TACR3: variants seen among roughly 807,000 people sequenced by gnomAD.
The protein encoded by TACR3 is neuromedin-K receptor.
A neutral mutation model predicts 35.0 loss-of-function variants in TACR3; 34 were observed. The ratio of observed to expected loss-of-function variants is 0.97; its 90% CI spans 0.74 to 1.30. The LOEUF is 1.30. Ranked by LOEUF, TACR3 falls within the 50% of genes most tolerant of loss-of-function variation. The pLI, the probability that TACR3 is intolerant of heterozygous loss-of-function variation, is 0.00. For missense variants in TACR3, 558 were observed against 591.7 expected, an observed-to-expected ratio of 0.94 and a Z score of 0.59; for synonymous variants, 233 against 221.1, an observed-to-expected ratio of 1.05 and a Z score of -0.48.
intron 3 of TACR3, among the ~76,000 whole-genome samples, chr4:103,641,517 TG>T (rs1266363328): frequency 1.3e-5 from 2 of 151,938 alleles, no homozygotes; most frequent in African/African-American, 4.8e-5. Context: ...CCTTGTACAC[TG>T]TTGTTGGGAA....
intron 3 of TACR3, among the ~76,000 whole-genome samples, chr4:103,633,928 A>G (rs1018580534): frequency 6.6e-6 from 1 of 152,138 alleles, no homozygotes; most frequent in Non-Finnish European, 1.5e-5. Flanking sequence ...AAGAAAGTAC[A>G]TAAATATGAG....
chr4:103,620,086 A>C (rs1027248976), intron 3 of TACR3, among the ~76,000 whole-genome samples: 12 of 152,192 alleles, frequency 7.9e-5, no homozygotes, highest in African/African-American at 2.7e-4. Flanking sequence ...ATGGGCAAAG[A>C]ACATGAACAG....
intron 1 of TACR3, among the ~76,000 whole-genome samples, chr4:103,670,174 CT>C (rs1180289108): frequency 6.6e-6 from 1 of 152,048 alleles, no homozygotes; most frequent in Admixed American, 6.6e-5. Flanking sequence ...GTTCTCTATT[CT>C]GTTCCATTCG....
intron 3 of TACR3, among the ~76,000 whole-genome samples, chr4:103,629,012 C>T (rs906549968): frequency 1.4e-4 from 21 of 152,128 alleles, no homozygotes; most frequent in Non-Finnish European, 2.4e-4. Flanking sequence ...TGTAATCCAT[C>T]GTATACACAG....
Position 103,624,965 on chromosome 4 carries a change from G to A in TACR3, c.888+31229C>T, listed in dbSNP as rs3796973. Among the ~76,000 whole-genome samples the A allele has an allele frequency of 5.3e-4, 81 of 152,116 alleles. No individual in the cohort carries two copies. The East Asian group carries it at 0.014, about 26-fold the overall frequency. On this transcript the variant is annotated intron_variant, in intron 3 of 4. Transcript: ENST00000304883. ...TTCTGGATCAGAGAAATGGATCAAG[G>A]GGGAGCAGCAAGACAGGGAAAGGTA...
At chr4:103,650,677 T>TATTA (rs374909113) in intron 3 of TACR3, among the ~76,000 whole-genome samples, 2,070 of 15,612 alleles carry the variant, frequency 0.13, 217 homozygotes, top group African/African-American at 0.39. Flanking sequence ...TAAATATATA[T>TATTA]TATATCATAT....
At chr4:103,669,195 A>G (rs2079124) in intron 1 of TACR3, among the ~76,000 whole-genome samples, 23,360 of 152,090 alleles carry the variant, frequency 0.15, 2,333 homozygotes, top group East Asian at 0.43. Flanking sequence ...ATTATTAAAA[A>G]TAATGGCAAA....
At chr4:103,613,227 A>G (rs896519761) in intron 3 of TACR3, among the ~76,000 whole-genome samples, 3 of 152,216 alleles carry the variant, frequency 2.0e-5, no homozygotes, top group Non-Finnish European at 4.4e-5. Flanking sequence ...AAGGACTAAG[A>G]GCCAGGTGAT....
intron 3 of TACR3, among the ~76,000 whole-genome samples, chr4:103,600,841 C>A (rs1468677709): frequency 6.6e-6 from 1 of 152,094 alleles, no homozygotes; most frequent in Non-Finnish European, 1.5e-5. Context: ...GTTATAATTT[C>A]TGTTCTTTTA....
intron 3 of TACR3, among the ~76,000 whole-genome samples, chr4:103,630,883 G>A (rs7695586): frequency 0.54 from 81,426 of 151,994 alleles, 22,379 homozygotes; most frequent in African/African-American, 0.62. Flanking sequence ...ACACACACGT[G>A]TGTTTATCGT....
At chr4:103,635,422 G>A (rs1255213289) in intron 3 of TACR3, among the ~76,000 whole-genome samples, 3 of 151,898 alleles carry the variant, frequency 2.0e-5, no homozygotes, top group South Asian at 2.1e-4. Flanking sequence ...GAACTTAGGT[G>A]TGCATCTTCC....
intron 3 of TACR3, among the ~76,000 whole-genome samples, chr4:103,650,245 A>T (rs1163264597): frequency 2.0e-5 from 3 of 151,736 alleles, no homozygotes; most frequent in African/African-American, 7.3e-5. Flanking sequence ...GGGGTGACAC[A>T]AGCAGCCTGT....
At chr4:103,698,512 AC>A (rs1178950222) in intron 1 of TACR3, among the ~76,000 whole-genome samples, 2 of 151,732 alleles carry the variant, frequency 1.3e-5, no homozygotes, top group Non-Finnish European at 2.9e-5. Flanking sequence ...AATATTAGCA[AC>A]ACAATTTATC....
At chr4:103,678,761 A>C (rs1726226407) in intron 1 of TACR3, among the ~76,000 whole-genome samples, 1 of 150,702 alleles carries the variant, frequency 6.6e-6, no homozygotes, top group East Asian at 1.9e-4. Context: ...CAGTTCATGC[A>C]TGAGATACAC....
chr4:103,608,988 T>C (rs1302714008), intron 3 of TACR3, among the ~76,000 whole-genome samples: 1 of 152,084 alleles, frequency 6.6e-6, no homozygotes, highest in Non-Finnish European at 1.5e-5. Context: ...ATTAGCTAAA[T>C]AGATGAGGAA....
Position 103,609,348 on chromosome 4 carries a change from T to C in TACR3, c.889-17665A>G, listed in dbSNP as rs185836910. Among the ~76,000 whole-genome samples the C allele has an allele frequency of 3.9e-5, 6 of 152,266 alleles. No individual in the cohort carries two copies. The East Asian group carries it at 9.6e-4, about 24-fold the overall frequency. On this transcript the variant is annotated intron_variant, in intron 3 of 4. Coordinates refer to ENST00000304883, the MANE Select transcript of TACR3 (RefSeq NM_001059.3). ...CAAATATAATTCAAAATATATGTTA[T>C]AGAAGCTCTTGCTGTCTTCCCTCAA...
Position 103,658,195 on chromosome 4 carries a change from A to G in TACR3, c.737+20T>C. ...TGTTTGATAAACTGAATTGAAAACC[A>G]TAATAGAGAATTAACTTACGTGAAA... On this transcript the variant is annotated intron_variant, in intron 2 of 4. Transcript: ENST00000304883. The G allele has an allele frequency of 1.9e-6, 3 of 1,611,986 alleles. No individual in the cohort carries two copies. The highest frequency in any genetic ancestry group is 2.5e-6 in the Non-Finnish European group (3 of 1,178,260).
intron 1 of TACR3, among the ~76,000 whole-genome samples, chr4:103,665,101 C>G (rs929510110): frequency 6.6e-6 from 1 of 151,910 alleles, no homozygotes; most frequent in African/African-American, 2.4e-5. Context: ...GCATGAACCA[C>G]CAAACCCGGC....
chr4:103,674,070 C>A (rs1344019205), intron 1 of TACR3, among the ~76,000 whole-genome samples: 1 of 152,064 alleles, frequency 6.6e-6, no homozygotes, highest in Non-Finnish European at 1.5e-5. Flanking sequence ...CAGGTAGGAG[C>A]AATAGACTTA....
Sources: allele counts gnomAD v4.1 joint callset (sites outside exome capture counted in the v4.1 genomes callset), GRCh38; gene constraint gnomAD v4.1.1; transcripts MANE v1.5; gene names NCBI Gene and HGNC (gene_info 2026-07-23, HGNC 2026-07-21).